The following TLL1 variants were observed in gnomAD, a reference collection of about 807,000 sequenced individuals.
The protein encoded by TLL1 is tolloid like 1.
In TLL1, 49 loss-of-function variants were observed where a neutral mutation model predicts 128.2. That is an observed-to-expected ratio of 0.38 (90% CI 0.30 to 0.48). The LOEUF (loss-of-function observed/expected upper bound fraction) is 0.48. TLL1 is among the 20% of genes least tolerant of loss of function. The pLI, the probability that TLL1 is intolerant of heterozygous loss-of-function variation, is 0.96. For missense variants in TLL1, 1,123 were observed against 1,242.0 expected (o/e 0.90, Z 1.44); for synonymous variants, 454 against 418.8 (o/e 1.08, Z -1.03).
chr4:166,049,166 G>T (rs1739597984), intron 12 of TLL1, among the ~76,000 whole-genome samples: 1 of 152,084 alleles, frequency 6.6e-6, no homozygotes, highest in Admixed American at 6.6e-5. Flanking sequence ...ATGAATTACG[G>T]TCTAGGCTAT....
rs1742369196 is a variant in TLL1 at position 166,103,220 on chromosome 4, T to C, written c.*2344T>C. The C allele has an allele frequency of 1.3e-5, 2 of 151,874 alleles. No homozygotes were observed. The highest frequency in any genetic ancestry group is 6.6e-5 in the Admixed American group (1 of 15,184). The allele number at this position is 151,874 out of a possible 1,614,324, so 9.4% of individuals were successfully genotyped here. ...CTCGACCTATATAAATAGTAGATTT[T>C]TTATGGTGAAACTTTCCCACATAAA... On this transcript the variant is annotated 3_prime_UTR_variant, in exon 21 of 21. Transcript: ENST00000061240.
chr4:166,046,206 G>A (rs1321855458), intron 12 of TLL1, among the ~76,000 whole-genome samples: 2 of 152,170 alleles, frequency 1.3e-5, no homozygotes, highest in Admixed American at 6.5e-5. Context: ...GTATGAATGT[G>A]TGATGGTTGG....
At chr4:165,877,068 G>C (rs904129629) in intron 1 of TLL1, among the ~76,000 whole-genome samples, 1 of 152,124 alleles carries the variant, frequency 6.6e-6, no homozygotes, top group South Asian at 2.1e-4. Flanking sequence ...AAGATCAAAC[G>C]TGTGTTACCC....
At chr4:166,039,055 A>G (rs530650168) in intron 9 of TLL1, among the ~76,000 whole-genome samples, 98 of 152,092 alleles carry the variant, frequency 6.4e-4, no homozygotes, top group African/African-American at 2.2e-3. Flanking sequence ...ACAATTGTCC[A>G]GATTAACTTT....
Position 165,937,919 on chromosome 4 carries a change from T to G in TLL1, c.170-51462T>G, listed in dbSNP as rs949991160. Among the ~76,000 whole-genome samples the G allele has an allele frequency of 7.4e-5, 11 of 148,882 alleles. No homozygotes were observed. The Admixed American group carries it at 7.5e-4, about 10-fold the overall frequency. ...TTTCTTTTTTCTTTTATATGTCATA[T>G]GCTCCTTTTATCTAGATACCCATAG... On this transcript the variant is annotated intron_variant, in intron 1 of 20. Transcript: ENST00000061240.
rs543384642 is a variant in TLL1, at chr4:166,103,509, G to A, written c.*2633G>A. The A allele has an allele frequency of 2.0e-5, 3 of 151,804 alleles. No individual in the cohort carries two copies. The highest frequency in any genetic ancestry group is 4.1e-4 in the South Asian group (2 of 4,822). The allele number at this position is 151,804 out of a possible 1,614,324, so 9.4% of individuals were successfully genotyped here. ...GGATATTCTGATTGACATCTTATTA[G>A]GCCATAGTGAGCTATGCTCTGCACA... On this transcript the variant is annotated 3_prime_UTR_variant, in exon 21 of 21. Coordinates refer to ENST00000061240, the MANE Select transcript of TLL1 (RefSeq NM_012464.5).
At position 166,092,069 on chromosome 4, in the gene TLL1, G is replaced by T. The variant is rs1741800995; in HGVS notation, c.2656+728G>T. 2.6e-5 allele frequency among the ~76,000 whole-genome samples: 4 copies of T among 151,788 alleles called. No individual in the cohort carries two copies. In the South Asian group the frequency reaches 8.3e-4, roughly 31 times the overall value. ...CAGTATATCAGTTAAATGTATATTA[G>T]CTAGTCATTTAGCTTATACTGACAC... On this transcript the variant is annotated intron_variant, in intron 19 of 20. Coordinates refer to ENST00000061240, the MANE Select transcript of TLL1 (RefSeq NM_012464.5).
At chr4:166,090,986 C>A (rs1579731168) in intron 18 of TLL1, 142 bp from the exon 19 acceptor site, 2 of 440,612 alleles carry the variant, frequency 4.5e-6, no homozygotes, top group African/African-American at 7.1e-5. Context: ...TTGATTTCAC[C>A]TTTCTTAATT....
At chr4:166,089,944 T>C (rs1362876341) in intron 18 of TLL1, among the ~76,000 whole-genome samples, 2 of 152,022 alleles carry the variant, frequency 1.3e-5, no homozygotes, top group African/African-American at 4.8e-5. Context: ...TCAGAAGTGA[T>C]AGTGGGTGAT....
At chr4:165,914,865 C>T (rs764915159) in intron 1 of TLL1, among the ~76,000 whole-genome samples, 2 of 152,120 alleles carry the variant, frequency 1.3e-5, no homozygotes, top group South Asian at 2.1e-4. Context: ...TGTCTTTATA[C>T]GAAAATGTTT....
chr4:165,895,035 T>C (rs1272696581), intron 1 of TLL1, among the ~76,000 whole-genome samples: 1 of 152,076 alleles, frequency 6.6e-6, no homozygotes, highest in Non-Finnish European at 1.5e-5. Flanking sequence ...TTATATGTAA[T>C]CTATTAATGA....
intron 12 of TLL1, among the ~76,000 whole-genome samples, chr4:166,046,354 C>T (rs1579668412): frequency 6.6e-6 from 1 of 152,122 alleles, no homozygotes; most frequent in African/African-American, 2.4e-5. Flanking sequence ...ACTAGAGACG[C>T]TGAGTTTCAA....
chr4:165,991,004 G>T lies in TLL1; in HGVS notation c.280+1513G>T, dbSNP rs145960703. 1.4e-4 allele frequency among the ~76,000 whole-genome samples: 21 copies of T among 151,954 alleles called. No individual in the cohort carries two copies. In the East Asian group the frequency reaches 4.1e-3, roughly 29 times the overall value. The stretch of plus-strand genomic sequence containing the variant: ...CACTGTCATGGAGACAACGCATTCT[G>T]GACAGTAGAGCAATGATACAACAAT... On this transcript the variant is annotated intron_variant, in intron 2 of 20. Transcript: ENST00000061240.
chr4:165,961,727 C>G (rs758848981), intron 1 of TLL1, among the ~76,000 whole-genome samples: 9 of 152,036 alleles, frequency 5.9e-5, no homozygotes, highest in Admixed American at 5.9e-4. Flanking sequence ...GGAAAGGACA[C>G]CTTATTAAAT....
intron 1 of TLL1, among the ~76,000 whole-genome samples, chr4:165,966,162 A>C (rs867826508): frequency 7.4e-6 from 1 of 135,344 alleles, no homozygotes; most frequent in Non-Finnish European, 1.6e-5. Flanking sequence ...TGGACAACAG[A>C]GCAAGACTCC....
At chr4:165,946,974 T>G (rs185436056) in intron 1 of TLL1, among the ~76,000 whole-genome samples, 3 of 152,234 alleles carry the variant, frequency 2.0e-5, no homozygotes, top group African/African-American at 7.2e-5. Flanking sequence ...AACTTTTAAG[T>G]GATGAACTTG....
chr4:166,034,759 G>A (rs1579652503), intron 9 of TLL1, among the ~76,000 whole-genome samples: 1 of 152,124 alleles, frequency 6.6e-6, no homozygotes, highest in East Asian at 1.9e-4. Flanking sequence ...AGAAGTCTGA[G>A]TCCATTAATG....
intron 9 of TLL1, among the ~76,000 whole-genome samples, chr4:166,036,349 T>C (rs566417692): frequency 6.6e-6 from 1 of 152,174 alleles, no homozygotes; most frequent in Admixed American, 6.5e-5. Context: ...CAGGAAATCT[T>C]AAAATTGTTC....
At chr4:166,044,487 CTT>C (rs1739372274) in intron 12 of TLL1, 34 of 1,401,894 alleles carry the variant, frequency 2.4e-5, no homozygotes, top group Non-Finnish European at 3.3e-5. Context: ...TACCATTTAA[CTT>C]CCCAGATGTA....
Sources: allele counts gnomAD v4.1 joint callset (sites outside exome capture counted in the v4.1 genomes callset), GRCh38; gene constraint gnomAD v4.1.1; transcripts MANE v1.5; gene names NCBI Gene and HGNC (gene_info 2026-07-23, HGNC 2026-07-21).